ARHGEF17: variants seen among roughly 807,000 people sequenced by gnomAD.
ARHGEF17 encodes the protein 164 kDa Rho-specific guanine-nucleotide exchange factor.
In ARHGEF17, 80 loss-of-function variants were observed where a neutral mutation model predicts 174.0. That is an observed-to-expected ratio of 0.46 (90% CI 0.38 to 0.55). The LOEUF (loss-of-function observed/expected upper bound fraction) is 0.55, where lower values mean the gene tolerates loss of function less well. Among genes scored for constraint, ARHGEF17 ranks in the 20% least tolerant of loss-of-function variants. ARHGEF17 has a pLI of 0.00. For synonymous variants in ARHGEF17, 1,311 were observed against 1,189.1 expected, an observed-to-expected ratio of 1.10 and a Z score of -2.11; for missense variants, 2,886 against 2,839.7, an observed-to-expected ratio of 1.02 and a Z score of -0.37.
chr11:73,329,355 ATATATATATATATATATATTTT>A (rs1401986764), intron 1 of ARHGEF17, among the ~76,000 whole-genome samples: 313 of 11,458 alleles, frequency 0.027, 38 homozygotes, highest in African/African-American at 0.13. Context: ...ATATATATAT[ATATATATATATATATATATTTT>A]TTTTTTTTTT....
At chr11:73,314,230 G>A (rs1362958880) in intron 1 of ARHGEF17, among the ~76,000 whole-genome samples, 2 of 152,234 alleles carry the variant, frequency 1.3e-5, no homozygotes, top group African/African-American at 2.4e-5. Flanking sequence ...TCCCTGGGCC[G>A]TGGGTGGAGA....
intron 1 of ARHGEF17, among the ~76,000 whole-genome samples, chr11:73,317,089 C>T (rs984340154): frequency 7.9e-5 from 12 of 152,058 alleles, no homozygotes; most frequent in African/African-American, 2.4e-4. Context: ...TTTGAAAAGT[C>T]CCCAGGGTGG....
intron 1 of ARHGEF17, among the ~76,000 whole-genome samples, chr11:73,342,425 A>T (rs1043413914): frequency 1.3e-5 from 2 of 152,114 alleles, no homozygotes; most frequent in African/African-American, 4.8e-5. Context: ...GCCTGGACAT[A>T]TGTGCCTGTT....
At position 73,309,692 on chromosome 11, in the gene ARHGEF17, G is replaced by A. The variant is rs770830065; in HGVS notation, c.1054G>A (p.Val352Ile). The change falls in exon 1 of 21, where the codon GTC (valine) becomes ATC (isoleucine). Residue 352 changes from valine to isoleucine, a missense_variant. Val to Ile is a conservative substitution (Grantham distance 29). Transcript: ENST00000263674. ...REWGSGSPPC[V>I]PGPQEGLRPM... ...GTGGGGTAGTGGCTCTCCGCCCTGC[G>A]TCCCAGGTCCCCAGGAGGGACTTCG... 3.1e-6 allele frequency: 5 copies of A among 1,612,918 alleles called. No homozygotes were observed. The Admixed American group carries it at 6.7e-5, about 22-fold the overall frequency.
chr11:73,345,260 G>T (rs894271565), intron 1 of ARHGEF17, among the ~76,000 whole-genome samples: 1 of 152,028 alleles, frequency 6.6e-6, no homozygotes, highest in Non-Finnish European at 1.5e-5. Flanking sequence ...TGCTGTTTCC[G>T]GAGGCCCTGA....
At chr11:73,354,806 A>G (rs1865610191) in intron 3 of ARHGEF17, among the ~76,000 whole-genome samples, 1 of 152,182 alleles carries the variant, frequency 6.6e-6, no homozygotes, top group Non-Finnish European at 1.5e-5. Context: ...TGAGACAGGA[A>G]CCCAGGTTTC....
chr11:73,325,037 G>C (rs1020279838), intron 1 of ARHGEF17, among the ~76,000 whole-genome samples: 1 of 152,176 alleles, frequency 6.6e-6, no homozygotes, highest in African/African-American at 2.4e-5. Flanking sequence ...AAGGTGGAGA[G>C]ATGGGCCACG....
chr11:73,359,729 T>G, intron 9 of ARHGEF17, 105 bp from the exon 10 acceptor site: 1 of 976,072 alleles, frequency 1.0e-6, no homozygotes, highest in Non-Finnish European at 1.4e-6. Context: ...TTGTCAGGTC[T>G]CTCCCCGGCC....
chr11:73,356,148 C>A, intron 5 of ARHGEF17, 27 bp from the exon 6 acceptor site: 1 of 1,611,726 alleles, frequency 6.2e-7, no homozygotes, highest in East Asian at 2.2e-5. Context: ...GCTAAGCAGT[C>A]AGGTCTGCTC....
intron 10 of ARHGEF17, 145 bp downstream of exon 10, chr11:73,360,097 A>T: frequency 1.1e-6 from 1 of 924,232 alleles, no homozygotes; most frequent in Non-Finnish European, 1.6e-6. Context: ...CTCCCTGCGT[A>T]TGGGGGAAGT....
chr11:73,363,296 C>T lies in ARHGEF17; in HGVS notation c.5087C>T (p.Ser1696Phe). Residue 1696 changes from serine (S) to phenylalanine (F), a missense_variant, in exon 15 of 21, where the codon TCC (serine) becomes TTC (phenylalanine). By Grantham distance (155) the Ser-to-Phe change is radical (BLOSUM62 -2). This residue lies in a region of ARHGEF17 where 476 missense variants were observed against 473.1 expected (regional missense o/e 1.01). Transcript: ENST00000263674. ...CCAGGCTTCCTGCCACTGTCTGGCT[C>T]CTTTGGGCCTGGTGGTCCCTGCGGC... ...QEPGFLPLSG[S>F]FGPGGPCGTS... 1 of 1,612,606 alleles carries T rather than the reference C, an allele frequency of 6.2e-7. No individual in the cohort carries two copies. The highest frequency in any genetic ancestry group is 1.3e-5 in the African/African-American group (1 of 75,034).
intron 9 of ARHGEF17, among the ~76,000 whole-genome samples, chr11:73,359,583 G>T (rs556868333): frequency 6.6e-6 from 1 of 152,248 alleles, no homozygotes; most frequent in Admixed American, 6.5e-5. Context: ...GCTCTCCTGG[G>T]AATTCTCCGT....
intron 1 of ARHGEF17, among the ~76,000 whole-genome samples, chr11:73,332,349 CCGTGTGTGTGTGTGTG>C (rs1357798439): frequency 5.3e-5 from 6 of 114,260 alleles, no homozygotes; most frequent in African/African-American, 2.1e-4. Context: ...GGCTTTTTCT[CCGTGTGTGTGTGTGTG>C]TGTGTGTGTG....
intron 16 of ARHGEF17, 83 bp downstream of exon 16, chr11:73,363,916 C>T: frequency 7.1e-7 from 1 of 1,410,226 alleles, no homozygotes. Flanking sequence ...GGTCCCCCTG[C>T]TCTACTGTCC....
intron 1 of ARHGEF17, among the ~76,000 whole-genome samples, chr11:73,313,272 C>A (rs1029003256): frequency 6.6e-6 from 1 of 152,120 alleles, no homozygotes; most frequent in Non-Finnish European, 1.5e-5. Flanking sequence ...CCAGTGAGGG[C>A]AGCTCCGGTG....
chr11:73,340,395 T>G (rs1193878285), intron 1 of ARHGEF17, among the ~76,000 whole-genome samples: 1 of 152,116 alleles, frequency 6.6e-6, no homozygotes, highest in African/African-American at 2.4e-5. Flanking sequence ...CTCAGGACCT[T>G]GTTCTTGCCA....
At position 73,365,474 on chromosome 11, in the gene ARHGEF17, G is replaced by C; in HGVS notation, c.5635G>C (p.Gly1879Arg). 6.2e-7 allele frequency: 1 copy of C among 1,614,076 alleles called. No homozygotes were observed. The highest frequency in any genetic ancestry group is 8.5e-7 in the Non-Finnish European group (1 of 1,180,036). The stretch of plus-strand genomic sequence containing the variant: ...CCTGGGTGTGTGGGTGACATTGAAA[G>C]GTAGTGCCCACGTGTGTCTCTACCA... ...SSLGVWVTLK[G>R]SAHVCLYHPD... Residue 1879 changes from glycine to arginine, a missense_variant, in exon 19 of 21, where the codon GGT becomes CGT. Gly to Arg is a moderately radical substitution (Grantham distance 125). Coordinates refer to ENST00000263674, the MANE Select transcript of ARHGEF17 (RefSeq NM_014786.4). This position sits in a 1 kb window ranked among gnomAD's most constrained non-coding sequence, Gnocchi z 4.9.
chr11:73,310,070 C>T lies in ARHGEF17; in HGVS notation c.1432C>T (p.Leu478=), dbSNP rs1212245878. The change falls in exon 1 of 21, where the codon CTG becomes TTG. Residue 478 remains leucine, a synonymous_variant. Coordinates refer to ENST00000263674, the MANE Select transcript of ARHGEF17 (RefSeq NM_014786.4). ...ASETLTLLSF[L]RSDLSELRVR... ...AGAGACCCTGACGCTTCTCAGTTTC[C>T]TGCGCTCAGACCTTTCAGAGCTGAG... is the stretch of plus-strand genomic sequence containing the variant. The T allele has an allele frequency of 2.5e-6, 4 of 1,614,208 alleles. No individual in the cohort carries two copies. The South Asian group carries it at 3.3e-5, about 13-fold the overall frequency.
At chr11:73,342,422 C>T (rs73542460) in intron 1 of ARHGEF17, among the ~76,000 whole-genome samples, 19,942 of 152,116 alleles carry the variant, frequency 0.13, 1,675 homozygotes, top group African/African-American at 0.24. Context: ...CGAGCCTGGA[C>T]ATATGTGCCT....
Sources: allele counts gnomAD v4.1 joint callset (sites outside exome capture counted in the v4.1 genomes callset), GRCh38; gene constraint gnomAD v4.1.1; regional missense constraint gnomAD v4.1.1; non-coding constraint Gnocchi (gnomAD v3.1); transcripts MANE v1.5; gene names NCBI Gene and HGNC (gene_info 2026-07-23, HGNC 2026-07-21).